ZSCAN18: variants seen among roughly 807,000 people sequenced by gnomAD.
The protein encoded by ZSCAN18 is zinc finger and SCAN domain containing 18.
In ZSCAN18, 16 loss-of-function variants were observed where a neutral mutation model predicts 31.1. That is an observed-to-expected ratio of 0.51 (90% CI 0.35 to 0.78). The LOEUF is 0.78. Among genes scored for constraint, ZSCAN18 ranks in the 30% least tolerant of loss-of-function variants. ZSCAN18 has a pLI of 0.01. For synonymous variants in ZSCAN18, 375 were observed against 320.7 expected, an observed-to-expected ratio of 1.17 and a Z score of -1.81; for missense variants, 731 against 697.4, an observed-to-expected ratio of 1.05 and a Z score of -0.54.
chr19:58,092,613 AG>A, intron 1 of ZSCAN18: 1 of 587,068 alleles, frequency 1.7e-6, no homozygotes, highest in African/African-American at 2.0e-5. Flanking sequence ...AAGTTTGCAG[AG>A]AGTCAACTAT....
chr19:58,107,043 G>C (rs1461328213), intron 1 of ZSCAN18, among the ~76,000 whole-genome samples: 1 of 151,780 alleles, frequency 6.6e-6, no homozygotes. Context: ...GATTACAGGC[G>C]TGAGCCACCG....
At chr19:58,099,860 T>C (rs576914678), upstream of ZSCAN18, among the ~76,000 whole-genome samples, 6 of 152,358 alleles carry the variant, frequency 3.9e-5, no homozygotes, top group African/African-American at 1.4e-4. Flanking sequence ...GAGCACACTT[T>C]AATGATTTTT....
intron 1 of ZSCAN18, among the ~76,000 whole-genome samples, chr19:58,094,250 AAATAAT>A (rs1555801562): frequency 6.6e-6 from 1 of 151,394 alleles, no homozygotes; most frequent in Non-Finnish European, 1.5e-5. Context: ...ACAAAAAAAA[AAATAAT>A]AATAATTAGC....
chr19:58,108,669 G>A, intron 1 of ZSCAN18: 3 of 985,488 alleles, frequency 3.0e-6, no homozygotes, highest in Non-Finnish European at 3.6e-6. Flanking sequence ...CACATTCACT[G>A]TCATTGTATT....
intron 1 of ZSCAN18, among the ~76,000 whole-genome samples, chr19:58,094,834 C>G (rs1294460334): frequency 5.0e-5 from 6 of 118,942 alleles, no homozygotes; most frequent in Non-Finnish European, 6.5e-5. Flanking sequence ...GCTGTGATCA[C>G]AACACCACAT....
upstream of ZSCAN18, among the ~76,000 whole-genome samples, chr19:58,102,994 C>T (rs971752900): frequency 2.6e-5 from 4 of 151,978 alleles, no homozygotes; most frequent in South Asian, 2.1e-4. Flanking sequence ...TGGTGGTGTG[C>T]ACCTCTAATC....
intron 1 of ZSCAN18, among the ~76,000 whole-genome samples, chr19:58,105,394 G>A (rs181237967): frequency 3.9e-4 from 59 of 152,292 alleles, no homozygotes; most frequent in Admixed American, 1.5e-3. Context: ...TGGCCCAGGC[G>A]CAGTGGCCTG....
chr19:58,094,353 G>C (rs2145998193), intron 1 of ZSCAN18, among the ~76,000 whole-genome samples: 2 of 151,720 alleles, frequency 1.3e-5, no homozygotes, highest in South Asian at 4.2e-4. Context: ...GGAGCTTGCA[G>C]TGAGCCGAGA....
At chr19:58,114,531 GATAA>G (rs959415477) in intron 1 of ZSCAN18, among the ~76,000 whole-genome samples, 3 of 101,400 alleles carry the variant, frequency 3.0e-5, no homozygotes, top group South Asian at 2.5e-4. Context: ...TATACGCACA[GATAA>G]ATATACAAAT....
At chr19:58,102,158 T>TA (rs1273920810), upstream of ZSCAN18, among the ~76,000 whole-genome samples, 1 of 151,996 alleles carries the variant, frequency 6.6e-6, no homozygotes, top group African/African-American at 2.4e-5. Flanking sequence ...GGCAGCTTAC[T>TA]AAAAAACCCC....
At chr19:58,114,333 G>C (rs1027841318) in intron 1 of ZSCAN18, among the ~76,000 whole-genome samples, 1 of 152,138 alleles carries the variant, frequency 6.6e-6, no homozygotes, top group African/African-American at 2.4e-5. Flanking sequence ...AAAAGGATGG[G>C]TTATCACATG....
At chr19:58,099,857 C>A (rs1039464506), upstream of ZSCAN18, among the ~76,000 whole-genome samples, 1 of 151,910 alleles carries the variant, frequency 6.6e-6, no homozygotes, top group Admixed American at 6.6e-5. Flanking sequence ...TTTGAGCACA[C>A]TTTAATGATT....
Position 58,087,382 on chromosome 19 carries a change from CAG to C in ZSCAN18, c.574_575del (p.Leu192ValfsTer64), listed in dbSNP as rs762210790. On this transcript the variant is annotated frameshift_variant, in exon 4 of 7. Transcript: ENST00000601144. LOFTEE classifies it high-confidence loss of function. ...CTCTGACCCTCCTCTGTTCCAGAAA[CAG>C]GGGGTCCGGAGAAAGCCAGGCTGGG... ...SETPWLSPDPLFLEQRRVREA... is the reference protein window; with the variant it reads ...SETPWLSPDPXFLEQRRVREA... 1.1e-5 allele frequency: 18 copies of C among 1,603,590 alleles called. No individual in the cohort carries two copies. The highest frequency in any genetic ancestry group is 1.3e-5 in the Non-Finnish European group (15 of 1,174,742).
chr19:58,111,040 C>T (rs1251102155), intron 1 of ZSCAN18, among the ~76,000 whole-genome samples: 1 of 152,142 alleles, frequency 6.6e-6, no homozygotes, highest in Non-Finnish European at 1.5e-5. Flanking sequence ...TGGTGGCGGG[C>T]GCCTGTAGTC....
intron 1 of ZSCAN18, among the ~76,000 whole-genome samples, chr19:58,112,033 T>C (rs777392225): frequency 6.6e-6 from 1 of 152,176 alleles, no homozygotes; most frequent in Non-Finnish European, 1.5e-5. Context: ...CTTTTTATTT[T>C]ATTTTACTTT....
Position 58,084,614 on chromosome 19 carries a change from A to G in ZSCAN18, c.*71T>C. 7.3e-7 allele frequency: 1 copy of G among 1,378,948 alleles called. No homozygotes were observed. The highest frequency in any genetic ancestry group is 9.5e-7 in the Non-Finnish European group (1 of 1,054,794). The allele number at this position is 1,378,948 out of a possible 1,614,324, so 85.4% of individuals were successfully genotyped here. A position where few individuals can be genotyped will look rare whatever the true frequency, so the allele number is the denominator to read the frequency against. ...AGGAAGCCGCCACCCAGGGGCGTGG[A>G]AAGGCCCAATGCCTCGTCTGGGATT... On this transcript the variant is annotated 3_prime_UTR_variant, in exon 7 of 7. Coordinates refer to ENST00000601144, the MANE Select transcript of ZSCAN18 (RefSeq NM_001145543.2). This position sits in a 1 kb window ranked among gnomAD's most constrained non-coding sequence, Gnocchi z 4.5.
At chr19:58,086,110 C>G in intron 6 of ZSCAN18, 64 bp downstream of exon 6, 1 of 1,476,984 alleles carries the variant, frequency 6.8e-7, no homozygotes, top group African/African-American at 1.4e-5. Flanking sequence ...GGGAGGGGCC[C>G]CCTCAGCCTC....
At chr19:58,102,669 G>A (rs2074604869), upstream of ZSCAN18, among the ~76,000 whole-genome samples, 1 of 150,116 alleles carries the variant, frequency 6.7e-6, no homozygotes, top group Non-Finnish European at 1.5e-5. Context: ...GTACTGCATC[G>A]GATATGTCAA....
chr19:58,117,968 G>A (rs2074745538), intron 1 of ZSCAN18, among the ~76,000 whole-genome samples: 1 of 152,172 alleles, frequency 6.6e-6, no homozygotes, highest in Admixed American at 6.5e-5. Context: ...AGGGAGTAGG[G>A]GTCCGCGCCC....
Sources: gnomAD v4.1 joint callset for allele counts (sites outside exome capture counted in the v4.1 genomes callset) on GRCh38, gnomAD v4.1.1 for gene constraint, Gnocchi (gnomAD v3.1) non-coding constraint, MANE v1.5 for transcripts, NCBI Gene and HGNC (gene_info 2026-07-23, HGNC 2026-07-21) for gene names.